Variants in VAV2 observed in about 807,000 individuals in gnomAD.
VAV2 encodes the protein guanine nucleotide exchange factor VAV2.
A neutral mutation model predicts 132.5 loss-of-function variants in VAV2; 67 were observed. The observed-to-expected ratio is 0.51, with a 90% CI of 0.42 to 0.62. The LOEUF (loss-of-function observed/expected upper bound fraction) is 0.62, where lower values mean the gene tolerates loss of function less well. VAV2 is among the 20% of genes least tolerant of loss of function. VAV2 has a pLI of 0.00. For synonymous variants in VAV2, 492 were observed against 443.5 expected (o/e 1.11, Z -1.37); for missense variants, 938 against 1,153.6 (o/e 0.81, Z 2.71).
At chr9:133,941,621 G>C (rs1164595713) in intron 1 of VAV2, among the ~76,000 whole-genome samples, 1 of 132,502 alleles carries the variant, frequency 7.5e-6, no homozygotes, top group Non-Finnish European at 1.6e-5. Context: ...GGGGGGGGGG[G>C]GACGGAATTT....
intron 1 of VAV2, among the ~76,000 whole-genome samples, chr9:133,944,854 G>A (rs1033451906): frequency 2.6e-5 from 4 of 152,208 alleles, no homozygotes; most frequent in Admixed American, 6.5e-5. Flanking sequence ...GGTGACCCTC[G>A]CTGCTCCCTC....
At chr9:133,838,689 G>A (rs1411764908) in intron 3 of VAV2, among the ~76,000 whole-genome samples, 4 of 147,382 alleles carry the variant, frequency 2.7e-5, no homozygotes, top group African/African-American at 5.0e-5. Context: ...ATGGCTGAGT[G>A]GCTAGCTGGG....
intron 3 of VAV2, among the ~76,000 whole-genome samples, chr9:133,856,910 G>A (rs1309634033): frequency 6.6e-6 from 1 of 152,134 alleles, no homozygotes; most frequent in Non-Finnish European, 1.5e-5. Flanking sequence ...CAGGGTTTGG[G>A]GGTTAGGACA....
intron 1 of VAV2, among the ~76,000 whole-genome samples, chr9:133,987,214 G>A (rs1019051802): frequency 1.3e-5 from 2 of 152,038 alleles, no homozygotes; most frequent in African/African-American, 4.8e-5. Flanking sequence ...CTCTCCAGCT[G>A]TCCAGCTGCT....
chr9:133,867,324 G>A (rs1837846329), intron 2 of VAV2, among the ~76,000 whole-genome samples: 1 of 152,210 alleles, frequency 6.6e-6, no homozygotes, highest in Non-Finnish European at 1.5e-5. Context: ...TCTCTTTCTG[G>A]CGCCTTGGAG....
rs971654300 is a variant in VAV2, at chr9:133,788,821, C to G, written c.1275-335G>C. On this transcript the variant is annotated intron_variant, in intron 14 of 29. Transcript: ENST00000371850. The surrounding 1 kb of genome is among the most constrained non-coding windows in gnomAD (Gnocchi z 5.3). ...TGATCCCGCGCTGGACTGGGAGCCT[C>G]AAGAGGGTGGGACCCAGATCTGCTG... Among the ~76,000 whole-genome samples the G allele has an allele frequency of 6.6e-6, 1 of 152,228 alleles. No homozygotes were observed. The highest frequency in any genetic ancestry group is 6.5e-5 in the Admixed American group (1 of 15,286).
chr9:133,769,337 C>A lies in VAV2; in HGVS notation c.2434+80G>T. 7.0e-7 allele frequency: 1 copy of A among 1,433,090 alleles called. No homozygotes were observed. The highest frequency in any genetic ancestry group is 9.5e-7 in the Non-Finnish European group (1 of 1,056,256). The allele number at this position is 1,433,090 out of a possible 1,614,324, so 88.8% of individuals were successfully genotyped here. On this transcript the variant is annotated intron_variant, in intron 28 of 29. Transcript: ENST00000371850. The surrounding 1 kb of genome is among the most constrained non-coding windows in gnomAD (Gnocchi z 8.1). ...GGCCACGTCAGGCAGGGCTGTGGGG[C>A]CAGTGGGCAGCTCCGTGCTGGGTCT...
intron 3 of VAV2, among the ~76,000 whole-genome samples, chr9:133,858,515 T>C (rs1003938287): frequency 6.6e-6 from 1 of 152,158 alleles, no homozygotes; most frequent in African/African-American, 2.4e-5. Context: ...GATTTGACTC[T>C]AGATCTTTCT....
Position 133,883,464 on chromosome 9 carries a change from A to C in VAV2, c.322-22032T>G, listed in dbSNP as rs1316386122. 6.6e-6 allele frequency among the ~76,000 whole-genome samples: 1 copy of C among 152,114 alleles called. No homozygotes were observed. The highest frequency in any genetic ancestry group is 1.5e-5 in the Non-Finnish European group (1 of 68,014). On this transcript the variant is annotated intron_variant, in intron 2 of 29. Transcript: ENST00000371850. The surrounding 1 kb of genome is among the most constrained non-coding windows in gnomAD (Gnocchi z 4.2). ...CCTGCTGCAGCAGCTCAGCCACTTA[A>C]AAATTCGTCGGAACATGTTGAAACA... is the stretch of plus-strand genomic sequence containing the variant.
intron 2 of VAV2, among the ~76,000 whole-genome samples, chr9:133,891,845 GGGATGGAGAGGA>G: frequency 1.2e-5 from 1 of 83,736 alleles, no homozygotes. Context: ...GGGATGGAAG[GGGATGGAGAGGA>G]GGGATGGAGG....
chr9:133,964,026 T>C (rs2132231922), intron 1 of VAV2, among the ~76,000 whole-genome samples: 1 of 76,614 alleles, frequency 1.3e-5, no homozygotes. Context: ...TTCATTCATA[T>C]ATATATATAT....
In VAV2 at chr9:133,991,631, G is replaced by A. The variant is rs1843022402; in HGVS notation, c.204+444C>T. ...CCCGGGCCCTCCAGCCGCGCCCCGG[G>A]CCGGCGCAGCGACCGCGCCCGCTCT... On this transcript the variant is annotated intron_variant, in intron 1 of 29. Transcript: ENST00000371850. The surrounding 1 kb of genome is among the most constrained non-coding windows in gnomAD (Gnocchi z 4.8). Among the ~76,000 whole-genome samples the A allele has an allele frequency of 6.6e-6, 1 of 151,330 alleles. No homozygotes were observed. Among genetic ancestry groups the A allele is most frequent in the African/African-American group, 2.4e-5 (1 of 41,312 alleles).
chr9:133,785,657 C>T, intron 17 of VAV2, 119 bp downstream of exon 17: 1 of 853,688 alleles, frequency 1.2e-6, no homozygotes. Context: ...CCCTGACGTT[C>T]CAACTTTGCC....
rs561209096 is a variant in VAV2 at position 133,879,106 on chromosome 9, G to T, written c.322-17674C>A. Among the ~76,000 whole-genome samples the T allele has an allele frequency of 3.3e-5, 5 of 152,332 alleles. No individual in the cohort carries two copies. The highest frequency in any genetic ancestry group is 3.9e-4 in the East Asian group (2 of 5,174). On this transcript the variant is annotated intron_variant, in intron 2 of 29. Transcript: ENST00000371850. The surrounding 1 kb of genome is among the most constrained non-coding windows in gnomAD (Gnocchi z 4.4). Reference sequence around the variant, plus strand: ...AGTCTTCCAGAGGGGACCGGGCCGGGCTTGTGCTGCTGAACCTGGCTCTGG... The same window carrying T: ...AGTCTTCCAGAGGGGACCGGGCCGGTCTTGTGCTGCTGAACCTGGCTCTGG...
intron 2 of VAV2, among the ~76,000 whole-genome samples, chr9:133,864,178 C>A (rs754080395): frequency 6.6e-6 from 1 of 152,248 alleles, no homozygotes; most frequent in Non-Finnish European, 1.5e-5. Flanking sequence ...CGCACAGCTG[C>A]ATTTCCCTTC....
At chr9:133,853,890 G>A (rs902765711) in intron 3 of VAV2, among the ~76,000 whole-genome samples, 5 of 152,122 alleles carry the variant, frequency 3.3e-5, no homozygotes, top group South Asian at 2.1e-4. Flanking sequence ...TGCTGCTCCC[G>A]CTGGCATGAT....
intron 2 of VAV2, among the ~76,000 whole-genome samples, chr9:133,903,339 CCCACG>C (rs1177368170): frequency 3.9e-5 from 6 of 152,272 alleles, no homozygotes; most frequent in African/African-American, 1.2e-4. Context: ...CTTCCTCTAC[CCCACG>C]CTGGGTGGTG....
intron 2 of VAV2, among the ~76,000 whole-genome samples, chr9:133,924,004 TA>T (rs1840384666): frequency 6.6e-6 from 1 of 150,672 alleles, no homozygotes; most frequent in South Asian, 2.1e-4. Flanking sequence ...GGTGGGGGAC[TA>T]GGGGAGGGAG....
rs1013459089 is a variant in VAV2 at position 133,853,569 on chromosome 9, C to T, written c.380+7805G>A. Reference sequence around the variant, plus strand: ...CAAAAGGCTAGAGCGGGGCAGGGAACGGCCAAGCGGAGTCTGCATCACCCT... The same window carrying T: ...CAAAAGGCTAGAGCGGGGCAGGGAATGGCCAAGCGGAGTCTGCATCACCCT... On this transcript the variant is annotated intron_variant, in intron 3 of 29. Coordinates refer to ENST00000371850, the MANE Select transcript of VAV2 (RefSeq NM_001134398.2). 2.6e-5 allele frequency among the ~76,000 whole-genome samples: 4 copies of T among 152,216 alleles called. No individual in the cohort carries two copies. The East Asian group carries it at 5.8e-4, about 22-fold the overall frequency.
Sources: gnomAD v4.1 joint callset for allele counts (sites outside exome capture counted in the v4.1 genomes callset) on GRCh38, gnomAD v4.1.1 for gene constraint, Gnocchi (gnomAD v3.1) non-coding constraint, MANE v1.5 for transcripts, NCBI Gene and HGNC (gene_info 2026-07-23, HGNC 2026-07-21) for gene names.